The following KIF2C variants were observed in gnomAD, a reference collection of about 807,000 sequenced individuals.
KIF2C encodes the protein kinesin-like protein KIF2C.
Under a neutral mutation model 97.4 loss-of-function variants are expected in KIF2C, and 34 were observed. That is an observed-to-expected ratio of 0.35 (90% CI 0.27 to 0.46). KIF2C has a LOEUF of 0.46. Ranked by LOEUF, KIF2C falls within the 20% of genes least tolerant of loss-of-function variation. The pLI is 1.00. For missense variants in KIF2C, 750 were observed against 907.6 expected, an observed-to-expected ratio of 0.83 and a Z score of 2.23; for synonymous variants, 313 against 318.2, an observed-to-expected ratio of 0.98 and a Z score of 0.17.
chr1:44,762,343 C>G lies in KIF2C; in HGVS notation c.1752-3C>G. ...GGGATCTGAGACCTCCTTGTTTCCTCAGGGTCAAGGAGCTGAGCCCCCACA... is the reference window on the plus strand; with the variant it reads ...GGGATCTGAGACCTCCTTGTTTCCTGAGGGTCAAGGAGCTGAGCCCCCACA... On this transcript the variant is annotated splice_polypyrimidine_tract_variant and splice_region_variant and intron_variant, in intron 17 of 20. Transcript: ENST00000372224. 1 of 1,611,002 alleles carries G rather than the reference C, an allele frequency of 6.2e-7. No individual in the cohort carries two copies. Among genetic ancestry groups the G allele is most frequent in the Non-Finnish European group, 8.5e-7 (1 of 1,177,218 alleles).
At chr1:44,766,060 A>G (rs1650448172) in intron 19 of KIF2C, among the ~76,000 whole-genome samples, 1 of 150,526 alleles carries the variant, frequency 6.6e-6, no homozygotes. Flanking sequence ...TAAAGAAAAA[A>G]TAAATAAATA....
intron 7 of KIF2C, 22 bp downstream of exon 7, chr1:44,753,855 G>A: frequency 6.6e-7 from 1 of 1,504,132 alleles, no homozygotes; most frequent in Non-Finnish European, 9.1e-7. Flanking sequence ...GGGAGACTAG[G>A]GTAAGGGTTT....
chr1:44,760,782 G>T lies in KIF2C; in HGVS notation c.1683+80G>T. 1 of 1,201,432 alleles carries T rather than the reference G, an allele frequency of 8.3e-7. No homozygotes were observed. The allele number at this position is 1,201,432 out of a possible 1,614,324, so 74.4% of individuals were successfully genotyped here. A position where few individuals can be genotyped will look rare whatever the true frequency, so the allele number is the denominator to read the frequency against. ...ACAGAGACACTTAGTCCTGTCCCTG[G>T]GCTGGAAGCTCAGCACTGCTGGCTG... On this transcript the variant is annotated intron_variant, in intron 16 of 20. Coordinates refer to ENST00000372224, the MANE Select transcript of KIF2C (RefSeq NM_006845.4). The surrounding 1 kb of genome is among the most constrained non-coding windows in gnomAD (Gnocchi z 4.2).
At chr1:44,750,610 G>A in intron 5 of KIF2C, 46 bp downstream of exon 5, 1 of 1,447,998 alleles carries the variant, frequency 6.9e-7, no homozygotes, top group Non-Finnish European at 9.2e-7. Flanking sequence ...AGGCCCTGGA[G>A]CACATTGCTT....
intron 16 of KIF2C, 128 bp from the exon 17 acceptor site, chr1:44,761,788 C>A: frequency 1.2e-6 from 1 of 835,480 alleles, no homozygotes; most frequent in Non-Finnish European, 2.0e-6. Context: ...CTAAATGACT[C>A]CTCCCACCAA....
chr1:44,744,369 A>C lies in KIF2C; in HGVS notation c.166-3015A>C, dbSNP rs1037450712. ...GTGATCTGGCCATCTTGGCCTCCTA[A>C]AGTGCTGGGATTACAGGCATGAGCC... On this transcript the variant is annotated intron_variant, in intron 2 of 20. Transcript: ENST00000372224. Among the ~76,000 whole-genome samples the C allele has an allele frequency of 5.9e-5, 9 of 152,090 alleles. No homozygotes were observed. The East Asian group carries it at 1.7e-3, about 29-fold the overall frequency.
rs1409114277 is a variant in KIF2C, at chr1:44,756,179, C to G, written c.919C>G (p.Gln307Glu). ...KVDLTKYLENQAFCFDFAFDE... is the reference protein window; with the variant it reads ...KVDLTKYLENEAFCFDFAFDE... ...GGACTTAACAAAGTATCTGGAGAACCAAGCATTCTGCTTTGACTTTGCATT... is the reference window on the plus strand; with the variant it reads ...GGACTTAACAAAGTATCTGGAGAACGAAGCATTCTGCTTTGACTTTGCATT... The change falls in exon 10 of 21, where the codon CAA becomes GAA. Residue 307 changes from glutamine to glutamate, a missense_variant. Gln to Glu is a conservative substitution (Grantham distance 29). Coordinates refer to ENST00000372224, the MANE Select transcript of KIF2C (RefSeq NM_006845.4). The G allele has an allele frequency of 6.2e-7, 1 of 1,614,196 alleles. No homozygotes were observed. Among genetic ancestry groups the G allele is most frequent in the Non-Finnish European group, 8.5e-7 (1 of 1,180,022 alleles).
chr1:44,762,706 G>C (rs766507076), intron 19 of KIF2C, 48 bp downstream of exon 19: 1 of 1,222,796 alleles, frequency 8.2e-7, no homozygotes, highest in African/African-American at 1.5e-5. Context: ...ACGGCCCTCA[G>C]TATGCTCCAC....
At position 44,767,187 on chromosome 1, in the gene KIF2C, A is replaced by C. The variant is rs1415477674; in HGVS notation, c.*8A>C. 1.9e-6 allele frequency: 3 copies of C among 1,613,466 alleles called. No individual in the cohort carries two copies. In the Admixed American group the frequency reaches 5.0e-5, roughly 27 times the overall value. ...AAGAAACGGCCCCAGTGACGACTGC[A>C]AATAAAAATCTGTTTGGTTTGACAC... On this transcript the variant is annotated 3_prime_UTR_variant, in exon 21 of 21. Coordinates refer to ENST00000372224, the MANE Select transcript of KIF2C (RefSeq NM_006845.4).
intron 4 of KIF2C, among the ~76,000 whole-genome samples, chr1:44,749,914 T>A (rs1430397437): frequency 1.4e-5 from 2 of 147,274 alleles, no homozygotes; most frequent in Non-Finnish European, 3.0e-5. Context: ...CCGTCTGTAC[T>A]AAAAAAAAAA....
Position 44,750,555 on chromosome 1 carries a change from T to G in KIF2C, c.430T>G (p.Ser144Ala), listed in dbSNP as rs1219243901. Reference protein sequence around the residue: ...PAAANSRKQFSVPPAPTRPSC... With the variant: ...PAAANSRKQFAVPPAPTRPSC... ...AGCTGCAAACTCCCGCAAGCAGTTT[T>G]CAGTTCCTCGTGAGTAACGAATGTG... The change falls in exon 5 of 21, where the codon TCA (serine) becomes GCA (alanine). Residue 144 changes from serine (S) to alanine (A), a missense_variant. Transcript: ENST00000372224. 1 of 1,565,156 alleles carries G rather than the reference T, an allele frequency of 6.4e-7. No individual in the cohort carries two copies. The highest frequency in any genetic ancestry group is 1.8e-5 in the Admixed American group (1 of 54,646).
rs977331572 is a variant in KIF2C, at chr1:44,762,426, C to G, written c.1832C>G (p.Ser611Cys). 2.5e-6 allele frequency: 4 copies of G among 1,614,042 alleles called. No homozygotes were observed. Among genetic ancestry groups the G allele is most frequent in the Non-Finnish European group, 2.5e-6 (3 of 1,180,026 alleles). The stretch of plus-strand genomic sequence containing the variant: ...GAAACAGAAGAGATGGAAGCCTGCT[C>G]TAACGGGGCGCTGATTCCAGGCAAT... Reference protein sequence around the residue: ...QMETEEMEACSNGALIPGNLS... With the variant: ...QMETEEMEACCNGALIPGNLS... The change falls in exon 18 of 21, where the codon TCT (serine) becomes TGT (cysteine). Residue 611 changes from serine (S) to cysteine (C), a missense_variant. Transcript: ENST00000372224.
At chr1:44,755,391 C>T (rs1573565769) in intron 8 of KIF2C, among the ~76,000 whole-genome samples, 2 of 152,268 alleles carry the variant, frequency 1.3e-5, no homozygotes, top group East Asian at 1.9e-4. Context: ...TCAGCCTCCC[C>T]AGTAGCTGGG....
chr1:44,747,319 A>C, intron 2 of KIF2C, 65 bp from the exon 3 acceptor site: 1 of 1,410,648 alleles, frequency 7.1e-7, no homozygotes, highest in Non-Finnish European at 9.8e-7. Flanking sequence ...AAAAAAAAAA[A>C]AAAGAAAAAA....
chr1:44,766,620 C>G (rs1334419567), intron 19 of KIF2C, among the ~76,000 whole-genome samples: 2 of 150,916 alleles, frequency 1.3e-5, no homozygotes, highest in Admixed American at 1.3e-4. Context: ...AAAAAAGAAA[C>G]AAAGAAAACG....
chr1:44,744,985 C>G lies in KIF2C; in HGVS notation c.166-2399C>G, dbSNP rs12039654. ...TGGACGGATCACCTGAGGTCAGGAG[C>G]TCAAGACCAGCCTGGCCAACGTGGT... On this transcript the variant is annotated intron_variant, in intron 2 of 20. Transcript: ENST00000372224. Among the ~76,000 whole-genome samples, 34 of 151,158 alleles carry G rather than the reference C, an allele frequency of 2.2e-4. No homozygotes were observed. In the East Asian group the frequency reaches 6.6e-3, roughly 29 times the overall value.
In KIF2C at chr1:44,749,819, C is replaced by T. The variant is rs374805090; in HGVS notation, c.317-623C>T. Among the ~76,000 whole-genome samples, 4 of 151,750 alleles carry T rather than the reference C, an allele frequency of 2.6e-5. No individual in the cohort carries two copies. In the East Asian group the frequency reaches 7.8e-4, roughly 29 times the overall value. On this transcript the variant is annotated intron_variant, in intron 4 of 20. Transcript: ENST00000372224. Reference sequence around the variant, plus strand: ...ATGGGCTGGGCACGGTGGTTCACACCTGTAATCCCAGCACTTTGGGAGGCC... The same window carrying T: ...ATGGGCTGGGCACGGTGGTTCACACTTGTAATCCCAGCACTTTGGGAGGCC...
intron 3 of KIF2C, 30 bp downstream of exon 3, chr1:44,747,515 T>C (rs1386021572): frequency 3.2e-6 from 5 of 1,579,276 alleles, no homozygotes; most frequent in Non-Finnish European, 4.3e-6. Flanking sequence ...CTGCAGCCAG[T>C]GCGCCAGAGA....
chr1:44,749,836 T>C (rs1034462061), intron 4 of KIF2C, among the ~76,000 whole-genome samples: 4 of 151,584 alleles, frequency 2.6e-5, no homozygotes, highest in Admixed American at 6.6e-5. Context: ...CCCAGCACTT[T>C]GGGAGGCCGA....
Sources: allele counts gnomAD v4.1 joint callset (sites outside exome capture counted in the v4.1 genomes callset), GRCh38; gene constraint gnomAD v4.1.1; non-coding constraint Gnocchi (gnomAD v3.1); transcripts MANE v1.5; gene names NCBI Gene and HGNC (gene_info 2026-07-23, HGNC 2026-07-21).